The following KRABD3 variants were observed in gnomAD, a reference collection of about 807,000 sequenced individuals.
The protein encoded by KRABD3 is KRAB domain-containing protein 3.
the KRABD3 span, chr7:149,721,297 G>A: frequency 3.4e-6 from 5 of 1,469,842 alleles, no homozygotes; most frequent in South Asian, 2.7e-5. Flanking sequence ...GTTAGTACAT[G>A]GCAAGGAAAG....
At chr7:149,715,141 C>T in the KRABD3 span, 2 of 1,230,170 alleles carry the variant, frequency 1.6e-6, no homozygotes, top group East Asian at 3.2e-5. Context: ...GAGCTGGGAC[C>T]CCCCCGCAAC....
chr7:149,726,395 G>C, the KRABD3 span, among the ~76,000 whole-genome samples: 1 of 151,864 alleles, frequency 6.6e-6, no homozygotes, highest in Non-Finnish European at 1.5e-5. Context: ...CCAGGAGTTT[G>C]AGACCAGCCT....
the KRABD3 span, chr7:149,733,969 G>T: frequency 1.9e-6 from 3 of 1,607,652 alleles, no homozygotes; most frequent in South Asian, 1.1e-5. Context: ...CGAGCAGCCT[G>T]CTGGGAGGAG....
chr7:149,730,356 A>G, the KRABD3 span: 1 of 1,545,148 alleles, frequency 6.5e-7, no homozygotes, highest in Non-Finnish European at 8.8e-7. Flanking sequence ...GCCTGTGCGG[A>G]GAGGGAGGAT....
chr7:149,721,466 A>C, the KRABD3 span: 1,437 of 1,612,178 alleles, frequency 8.9e-4, 1 homozygote, highest in Non-Finnish European at 1.1e-3. Context: ...CCTGGCCACC[A>C]CGCCCACCGA....
At chr7:149,721,654 T>C in the KRABD3 span, 1 of 1,150,308 alleles carries the variant, frequency 8.7e-7, no homozygotes, top group Non-Finnish European at 1.3e-6. Context: ...TCCCCTGTTG[T>C]GCTGTTCTTT....
chr7:149,728,731 A>T, the KRABD3 span: 1 of 1,562,406 alleles, frequency 6.4e-7, no homozygotes, highest in Non-Finnish European at 8.7e-7. Flanking sequence ...AGGATGCCCT[A>T]GGCGCTGCAC....
the KRABD3 span, chr7:149,729,203 C>T: frequency 1.2e-5 from 18 of 1,561,342 alleles, no homozygotes; most frequent in African/African-American, 2.7e-5. Context: ...AGGGCTGAGG[C>T]CTGCGAGTCA....
the KRABD3 span, among the ~76,000 whole-genome samples, chr7:149,725,127 A>G: frequency 2.6e-5 from 4 of 152,118 alleles, no homozygotes; most frequent in African/African-American, 9.7e-5. Context: ...CATGCCTTCC[A>G]GGGAGCAGGG....
chr7:149,722,905 A>G, the KRABD3 span: 1 of 1,613,048 alleles, frequency 6.2e-7, no homozygotes, highest in African/African-American at 1.3e-5. Flanking sequence ...TAGCCTGGGC[A>G]CGTCCAGGCT....
chr7:149,715,012 C>A, the KRABD3 span: 6 of 1,226,090 alleles, frequency 4.9e-6, no homozygotes, highest in East Asian at 1.9e-4. Flanking sequence ...GCGCCAGGGC[C>A]CGCGCCGGAA....
the KRABD3 span, chr7:149,730,459 T>G: frequency 5.6e-5 from 89 of 1,602,574 alleles, no homozygotes; most frequent in Non-Finnish European, 7.0e-5. Flanking sequence ...GTAAGCCTCC[T>G]GTCCCTCTGT....
chr7:149,725,624 C>G, the KRABD3 span: 7 of 964,268 alleles, frequency 7.3e-6, no homozygotes, highest in Non-Finnish European at 1.0e-5. Flanking sequence ...CTTTCATACT[C>G]ACTCCCAAAC....
the KRABD3 span, chr7:149,720,961 G>C: frequency 1.2e-6 from 2 of 1,613,730 alleles, no homozygotes; most frequent in South Asian, 2.2e-5. Context: ...CGGGGAGCCA[G>C]CCTGGATGGA....
chr7:149,722,579 G>T, the KRABD3 span: 1 of 1,600,088 alleles, frequency 6.2e-7, no homozygotes, highest in African/African-American at 1.3e-5. Context: ...TCCTTAGTGG[G>T]GTAGCGATGG....
the KRABD3 span, chr7:149,733,539 G>T: frequency 6.3e-7 from 1 of 1,597,650 alleles, no homozygotes; most frequent in East Asian, 2.3e-5. Context: ...CGGGGACCTC[G>T]CTGGGCTCAT....
the KRABD3 span, among the ~76,000 whole-genome samples, chr7:149,719,130 G>A: frequency 6.6e-6 from 1 of 152,196 alleles, no homozygotes; most frequent in Non-Finnish European, 1.5e-5. The surrounding 1 kb of genome is among the most constrained non-coding windows in gnomAD (Gnocchi z 5.6). Flanking sequence ...GTGGCTTCTG[G>A]TGGCCCTGGG....
chr7:149,719,204 T>A, the KRABD3 span, among the ~76,000 whole-genome samples: 2 of 152,232 alleles, frequency 1.3e-5, no homozygotes, highest in African/African-American at 4.8e-5. This position sits in a 1 kb window ranked among gnomAD's most constrained non-coding sequence, Gnocchi z 5.6. Context: ...TTTCTTCTTT[T>A]GTGTCTGTCT....
At chr7:149,720,224 C>A in the KRABD3 span, 1 of 1,334,774 alleles carries the variant, frequency 7.5e-7, no homozygotes, top group Non-Finnish European at 1.0e-6. Context: ...AGCCTCTCAC[C>A]TCCCTGCCTC....
Sources: allele counts gnomAD v4.1 joint callset (sites outside exome capture counted in the v4.1 genomes callset), GRCh38; gene constraint gnomAD v4.1.1; non-coding constraint Gnocchi (gnomAD v3.1); transcripts MANE v1.5; gene names NCBI Gene and HGNC (gene_info 2026-07-23, HGNC 2026-07-21).